Variants in VRK3 observed in about 807,000 individuals in gnomAD.
VRK3 encodes VRK serine/threonine kinase 3.
A neutral mutation model predicts 60.4 loss-of-function variants in VRK3; 50 were observed. That is an observed-to-expected ratio of 0.83 (90% CI 0.66 to 1.05). VRK3 has a LOEUF of 1.05. VRK3 is among the 50% of genes least tolerant of loss of function. The pLI is 0.00. For synonymous variants in VRK3, 246 were observed against 227.8 expected (o/e 1.08, Z -0.72); for missense variants, 549 against 585.3 (o/e 0.94, Z 0.64).
At position 50,016,144 on chromosome 19, in the gene VRK3, C is replaced by A. The variant is rs1263419994; in HGVS notation, c.19G>T (p.Asp7Tyr). ...GCCGCTTGGATACTTTTGCCACAGT[C>A]TGGACAGAAGGAGATCATGCTACAA... Reference protein sequence around the residue: MISFCPDCGKSIQAAFK... With the variant: MISFCPYCGKSIQAAFK... The change falls in exon 3 of 15, where the codon GAC becomes TAC. Residue 7 changes from aspartate (D) to tyrosine (Y), a missense_variant. Asp to Tyr is a radical substitution (Grantham distance 160). Coordinates refer to ENST00000316763, the MANE Select transcript of VRK3 (RefSeq NM_016440.4). 1.2e-6 allele frequency: 2 copies of A among 1,614,106 alleles called. No individual in the cohort carries two copies. Among genetic ancestry groups the A allele is most frequent in the Admixed American group, 3.3e-5 (2 of 60,008 alleles).
intron 10 of VRK3, among the ~76,000 whole-genome samples, chr19:49,992,417 A>C (rs1306368850): frequency 2.0e-5 from 3 of 152,130 alleles, no homozygotes; most frequent in Non-Finnish European, 4.4e-5. Context: ...AACAAAATCA[A>C]AGACAAAAAA....
At chr19:49,992,155 C>A (rs1233097177) in intron 10 of VRK3, among the ~76,000 whole-genome samples, 2 of 152,132 alleles carry the variant, frequency 1.3e-5, no homozygotes, top group African/African-American at 4.8e-5. Flanking sequence ...GGCCTGTAAT[C>A]CCAGCACCTT....
Position 49,984,426 on chromosome 19 carries a change from G to A in VRK3, c.1218-3413C>T, listed in dbSNP as rs144893827. Among the ~76,000 whole-genome samples, 713 of 152,230 alleles carry A rather than the reference G, an allele frequency of 4.7e-3. 4 individuals are homozygous for A. Among genetic ancestry groups the A allele is most frequent in the Non-Finnish European group, 8.1e-3 (549 of 67,996 alleles). On this transcript the variant is annotated intron_variant, in intron 12 of 14. Transcript: ENST00000316763. Reference sequence around the variant, plus strand: ...CCCAGGTGAGGGTTTCCAGGAGCCGGTGGCGGGGTCCTGTGCCTCCCCTCT... The same window carrying A: ...CCCAGGTGAGGGTTTCCAGGAGCCGATGGCGGGGTCCTGTGCCTCCCCTCT...
intron 13 of VRK3, among the ~76,000 whole-genome samples, chr19:49,980,271 A>G (rs565873255): frequency 7.4e-4 from 112 of 152,256 alleles, no homozygotes; most frequent in Middle Eastern, 3.4e-3. Context: ...GATTGGCTTT[A>G]TAAGTTACGG....
chr19:50,009,453 G>A (rs1041523627), intron 3 of VRK3, 68 bp from the exon 4 acceptor site: 2 of 1,579,892 alleles, frequency 1.3e-6, no homozygotes, highest in African/African-American at 1.4e-5. Flanking sequence ...ATTGGACTGG[G>A]AGCCCTGAGG....
chr19:50,016,655 A>G (rs981805804), intron 2 of VRK3, among the ~76,000 whole-genome samples: 1 of 152,240 alleles, frequency 6.6e-6, no homozygotes, highest in Non-Finnish European at 1.5e-5. Flanking sequence ...AGCCTATTCT[A>G]TCCTGACTAA....
At chr19:49,992,744 T>C (rs1452017397) in intron 10 of VRK3, 116 bp downstream of exon 10, 11 of 904,390 alleles carry the variant, frequency 1.2e-5, no homozygotes, top group Non-Finnish European at 1.9e-5. Flanking sequence ...GCTCTTTATA[T>C]ATGATGGACA....
intron 2 of VRK3, among the ~76,000 whole-genome samples, chr19:50,018,404 T>C (rs1034448369): frequency 3.3e-5 from 5 of 152,218 alleles, no homozygotes; most frequent in Admixed American, 2.0e-4. Context: ...TTTGAAATTA[T>C]AGAGCTTGTC....
At chr19:50,007,328 G>GCCTT (rs1611089) in intron 5 of VRK3, among the ~76,000 whole-genome samples, 101,593 of 151,712 alleles carry the variant, frequency 0.67, 34,932 homozygotes, top group African/African-American at 0.83. Flanking sequence ...CAGGGCACAT[G>GCCTT]CCAACTGGCC....
chr19:49,981,894 T>C, intron 12 of VRK3: 2 of 1,073,774 alleles, frequency 1.9e-6, no homozygotes, highest in Non-Finnish European at 2.5e-6. Flanking sequence ...AACTGGTAGG[T>C]TCAAAGCAAG....
intron 12 of VRK3, chr19:49,981,891 A>AT (rs1419808376): frequency 7.3e-5 from 79 of 1,076,292 alleles, no homozygotes; most frequent in Non-Finnish European, 9.3e-5. Flanking sequence ...TTTAACTGGT[A>AT]GGTTCAAAGC....
At chr19:50,017,486 A>G (rs2077097064) in intron 2 of VRK3, among the ~76,000 whole-genome samples, 1 of 148,038 alleles carries the variant, frequency 6.8e-6, no homozygotes, top group African/African-American at 2.5e-5. Context: ...AGGCAGGAGA[A>G]TCACTTGAAC....
At chr19:50,005,841 G>T (rs760591547) in intron 5 of VRK3, among the ~76,000 whole-genome samples, 1 of 149,764 alleles carries the variant, frequency 6.7e-6, no homozygotes, top group Non-Finnish European at 1.5e-5. Context: ...GGAGAAAGGC[G>T]GTTAGTGGCT....
intron 1 of VRK3, among the ~76,000 whole-genome samples, chr19:50,023,444 G>A (rs1466139396): frequency 6.6e-6 from 1 of 152,210 alleles, no homozygotes; most frequent in Non-Finnish European, 1.5e-5. Context: ...GCCTCCCAAA[G>A]TCCTGGGATT....
chr19:50,005,924 T>C (rs1408075327), intron 5 of VRK3, among the ~76,000 whole-genome samples: 2 of 149,080 alleles, frequency 1.3e-5, no homozygotes, highest in South Asian at 2.1e-4. Flanking sequence ...GACAGAAACG[T>C]CCTGGAATTA....
intron 2 of VRK3, 63 bp from the exon 3 acceptor site, chr19:50,016,226 G>A: frequency 6.3e-7 from 1 of 1,598,782 alleles, no homozygotes; most frequent in Non-Finnish European, 8.5e-7. Context: ...TGGAAGTATT[G>A]TTGAACTGCT....
chr19:49,983,074 C>T (rs2076450967), intron 12 of VRK3, among the ~76,000 whole-genome samples: 1 of 152,124 alleles, frequency 6.6e-6, no homozygotes, highest in African/African-American at 2.4e-5. Context: ...TCCTGTGTAT[C>T]CCCATGTGGA....
Position 49,995,199 on chromosome 19 carries a change from G to A in VRK3, c.756C>T (p.Asp252=). 6.2e-7 allele frequency: 1 copy of A among 1,614,138 alleles called. No homozygotes were observed. The highest frequency in any genetic ancestry group is 8.5e-7 in the Non-Finnish European group (1 of 1,179,966). ...TGAGCAGAGCAGCTCACCTGTATTT[G>A]TCCTGGTGAACACCGAAACCCATGC... ...PTCMGFGVHQ[D]KYRFLVLPSL... Residue 252 remains aspartate, a synonymous_variant, in exon 8 of 15, where the codon GAC becomes GAT. Coordinates refer to ENST00000316763, the MANE Select transcript of VRK3 (RefSeq NM_016440.4).
Position 50,009,499 on chromosome 19 carries a change from C to A in VRK3, c.140-114G>T, listed in dbSNP as rs1312373454. ...CTATGCTGTTCTCTTTGGCCCTCAA[C>A]ACCAATTCTTGCTTCTTCTATTATG... On this transcript the variant is annotated intron_variant, in intron 3 of 14. Transcript: ENST00000316763. 5 of 1,242,972 alleles carry A rather than the reference C, an allele frequency of 4.0e-6. No individual in the cohort carries two copies. The African/African-American group carries it at 6.1e-5, about 15-fold the overall frequency. 77.0% of individuals were successfully genotyped at this position (1,242,972 alleles called of 1,614,324 possible). A position where few individuals can be genotyped will look rare whatever the true frequency, so the allele number is the denominator to read the frequency against.
Sources: allele counts gnomAD v4.1 joint callset (sites outside exome capture counted in the v4.1 genomes callset), GRCh38; gene constraint gnomAD v4.1.1; transcripts MANE v1.5; gene names NCBI Gene and HGNC (gene_info 2026-07-23, HGNC 2026-07-21).